Variants in ARHGEF12 observed in about 807,000 individuals in gnomAD.
ARHGEF12 encodes the protein Rho guanine nucleotide exchange factor 12.
A neutral mutation model predicts 211.2 loss-of-function variants in ARHGEF12; 66 were observed. The observed-to-expected ratio is 0.31, with a 90% CI of 0.26 to 0.38. The LOEUF is 0.38. ARHGEF12 is among the 10% of genes least tolerant of loss of function. The pLI, the probability that ARHGEF12 is intolerant of heterozygous loss-of-function variation, is 1.00. For synonymous variants in ARHGEF12, 592 were observed against 638.4 expected, an observed-to-expected ratio of 0.93 and a Z score of 1.09; for missense variants, 1,429 against 1,869.5, an observed-to-expected ratio of 0.76 and a Z score of 4.34.
chr11:120,445,325 G>GCTT, intron 15 of ARHGEF12, 97 bp from the exon 16 acceptor site: 1 of 1,120,986 alleles, frequency 8.9e-7, no homozygotes, highest in East Asian at 2.4e-5. Flanking sequence ...TTGTAGAGTG[G>GCTT]GTATCCAAGT....
At chr11:120,478,434 CACTCA>C in intron 37 of ARHGEF12, 45 bp downstream of exon 37, 1 of 1,468,192 alleles carries the variant, frequency 6.8e-7, no homozygotes, top group Non-Finnish European at 9.5e-7. Context: ...CTAAGTATGA[CACTCA>C]TGTGCCATCC....
intron 7 of ARHGEF12, 57 bp downstream of exon 7, chr11:120,424,472 C>A: frequency 6.7e-7 from 1 of 1,499,938 alleles, no homozygotes; most frequent in Non-Finnish European, 9.3e-7. Flanking sequence ...AAGTAAGGAG[C>A]AGCAAATTTC....
chr11:120,358,082 G>T (rs1943175978), intron 1 of ARHGEF12, among the ~76,000 whole-genome samples: 1 of 151,998 alleles, frequency 6.6e-6, no homozygotes, highest in South Asian at 2.1e-4. Flanking sequence ...AGCCACTGAA[G>T]GCCTTCAGTC....
intron 1 of ARHGEF12, among the ~76,000 whole-genome samples, chr11:120,383,335 G>C (rs1488916952): frequency 6.6e-6 from 1 of 152,120 alleles, no homozygotes; most frequent in Non-Finnish European, 1.5e-5. Flanking sequence ...GGGACTGGGA[G>C]GGTGTTCGGG....
chr11:120,475,272 A>T, intron 32 of ARHGEF12, 68 bp from the exon 33 acceptor site: 1 of 1,415,472 alleles, frequency 7.1e-7, no homozygotes, highest in Non-Finnish European at 9.8e-7. Flanking sequence ...CTGTTGAATC[A>T]TTATAAAGTT....
chr11:120,477,867 A>G, intron 36 of ARHGEF12, among the ~76,000 whole-genome samples: 1 of 150,470 alleles, frequency 6.6e-6, no homozygotes, highest in South Asian at 2.1e-4. Context: ...AACACCAAAA[A>G]AAAAAAAGAA....
chr11:120,352,560 T>G (rs1321408619), intron 1 of ARHGEF12, among the ~76,000 whole-genome samples: 2 of 152,210 alleles, frequency 1.3e-5, no homozygotes, highest in Non-Finnish European at 2.9e-5. Flanking sequence ...ATAAAAAGGT[T>G]TTATCTTTTA....
In ARHGEF12 at chr11:120,480,325, G is replaced by A. The variant is rs771311894; in HGVS notation, c.4132G>A (p.Gly1378Arg). The A allele has an allele frequency of 4.3e-6, 7 of 1,614,178 alleles. No individual in the cohort carries two copies. The highest frequency in any genetic ancestry group is 4.2e-6 in the Non-Finnish European group (5 of 1,180,028). Reference protein sequence around the residue: ...MEPEGGLDDSGEHFFDAREAH... With the variant: ...MEPEGGLDDSREHFFDAREAH... ...GCCAGAAGGGGGTCTTGATGACAGTGGAGAGCACTTTTTTGATGCCCGTGA... is the reference window on the plus strand; with the variant it reads ...GCCAGAAGGGGGTCTTGATGACAGTAGAGAGCACTTTTTTGATGCCCGTGA... Residue 1378 changes from glycine to arginine, a missense_variant, in exon 38 of 41, where the codon GGA (glycine) becomes AGA (arginine). Physicochemically the swap from Gly to Arg is moderately radical, Grantham distance 125 (BLOSUM62 -2). Transcript: ENST00000397843.
rs1371529946 is a variant in ARHGEF12, at chr11:120,337,262, A to G, written c.19A>G (p.Thr7Ala). The G allele has an allele frequency of 8.7e-6, 14 of 1,614,076 alleles. No homozygotes were observed. Among genetic ancestry groups the G allele is most frequent in the Admixed American group, 1.7e-5 (1 of 60,008 alleles). The change falls in exon 1 of 41, where the codon ACT (threonine) becomes GCT (alanine). Residue 7 changes from threonine (T) to alanine (A), a missense_variant. Transcript: ENST00000397843. Reference sequence around the variant, plus strand: ...GGCCCCAATGAGTGGCACACAGTCTACTATCACCGACAGGTTGGTATGAAT... The same window carrying G: ...GGCCCCAATGAGTGGCACACAGTCTGCTATCACCGACAGGTTGGTATGAAT... The part of the protein sequence containing the change: MSGTQS[T>A]ITDRFPLKKP...
chr11:120,444,088 T>C (rs928267042), intron 15 of ARHGEF12, among the ~76,000 whole-genome samples: 2 of 152,188 alleles, frequency 1.3e-5, no homozygotes, highest in South Asian at 4.1e-4. Flanking sequence ...TTATTCTGTT[T>C]GTTCACTGCT....
intron 1 of ARHGEF12, among the ~76,000 whole-genome samples, chr11:120,364,894 C>T (rs1359327572): frequency 6.7e-6 from 1 of 150,042 alleles, no homozygotes; most frequent in Non-Finnish European, 1.5e-5. Flanking sequence ...TCACAGCTCA[C>T]TGTAGCCTCA....
rs1311404533 is a variant in ARHGEF12 at position 120,428,123 on chromosome 11, T to A, written c.461T>A (p.Ile154Asn). ...GGACGCCCACCTGGGTCGCCCCAGA[T>A]TCCACTTGCCGACTCTGAAGTAGAG... is the stretch of plus-strand genomic sequence containing the variant. ...VQGRPPGSPQ[I>N]PLADSEVEPS... is the part of the protein sequence containing the mutation. The change falls in exon 8 of 41, where the codon ATT becomes AAT. Residue 154 changes from isoleucine to asparagine, a missense_variant. By Grantham distance (149) the Ile-to-Asn change is moderately radical. Coordinates refer to ENST00000397843, the MANE Select transcript of ARHGEF12 (RefSeq NM_015313.3). 6.2e-6 allele frequency: 10 copies of A among 1,609,110 alleles called. No individual in the cohort carries two copies. The highest frequency in any genetic ancestry group is 8.5e-6 in the Non-Finnish European group (10 of 1,177,968).
intron 1 of ARHGEF12, among the ~76,000 whole-genome samples, chr11:120,381,229 T>C (rs1368622483): frequency 6.6e-6 from 1 of 152,336 alleles, no homozygotes. Flanking sequence ...TGTTTCTATA[T>C]GTATCAGTTG....
At chr11:120,480,535 G>A (rs1947203693) in intron 38 of ARHGEF12, 105 bp downstream of exon 38, 8 of 1,107,118 alleles carry the variant, frequency 7.2e-6, no homozygotes, top group Non-Finnish European at 1.0e-5. Context: ...GTGTGTGTGT[G>A]TGTGTTCACA....
chr11:120,421,828 A>G lies in ARHGEF12; in HGVS notation c.324A>G (p.Val108=). ...ATGGAGCAGCCATGCGGGCTGGAGT[A>G]CAGACAGGTGATCGAATCATCAAGG... ...KEDGAAMRAG[V]QTGDRIIKVN... Residue 108 remains valine, a synonymous_variant, in exon 6 of 41, where the codon GTA becomes GTG. Coordinates refer to ENST00000397843, the MANE Select transcript of ARHGEF12 (RefSeq NM_015313.3). The G allele has an allele frequency of 1.2e-6, 2 of 1,611,738 alleles. No individual in the cohort carries two copies. Among genetic ancestry groups the G allele is most frequent in the East Asian group, 2.2e-5 (1 of 44,740 alleles).
chr11:120,477,280 C>G lies in ARHGEF12; in HGVS notation c.3427C>G (p.Pro1143Ala). Reference protein sequence around the residue: ...SVKEQSTKPIPLPQSTPGEGD... With the variant: ...SVKEQSTKPIALPQSTPGEGD... The stretch of plus-strand genomic sequence containing the variant: ...GAAGGAGCAATCCACAAAGCCAATT[C>G]CATTACCACAGTCAACACCTGGCGA... Residue 1143 changes from proline (P) to alanine (A), a missense_variant, in exon 35 of 41, where the codon CCA (proline) becomes GCA (alanine). Pro to Ala is a conservative substitution (Grantham distance 27). Transcript: ENST00000397843. 1 of 1,614,080 alleles carries G rather than the reference C, an allele frequency of 6.2e-7. No homozygotes were observed. The highest frequency in any genetic ancestry group is 8.5e-7 in the Non-Finnish European group (1 of 1,180,010).
At chr11:120,408,815 A>G (rs1294829249) in intron 3 of ARHGEF12, 2 of 152,018 alleles carry the variant, frequency 1.3e-5, no homozygotes, top group East Asian at 1.9e-4. Flanking sequence ...CCAATCATCA[A>G]TTTAGGAGGC....
At chr11:120,379,641 A>G (rs1483730633) in intron 1 of ARHGEF12, among the ~76,000 whole-genome samples, 1 of 151,862 alleles carries the variant, frequency 6.6e-6, no homozygotes, top group Non-Finnish European at 1.5e-5. Context: ...TGTTTAGATG[A>G]TCATATGGCT....
At position 120,347,118 on chromosome 11, in the gene ARHGEF12, C is replaced by CCTTT. The variant is rs1167186397; in HGVS notation, c.32+9857_32+9860dup. ...ATGCCATCTACTTTTCCAGCCTCTC[C>CCTTT]CTTTCTTTCTTTCTTTCCTTCCTTC... On this transcript the variant is annotated intron_variant, in intron 1 of 40. Coordinates refer to ENST00000397843, the MANE Select transcript of ARHGEF12 (RefSeq NM_015313.3). Among the ~76,000 whole-genome samples the CCTTT allele has an allele frequency of 3.4e-4, 51 of 149,758 alleles. 1 individual carries two copies. The highest frequency in any genetic ancestry group is 5.3e-4 in the Admixed American group (8 of 15,026).
Sources: allele counts gnomAD v4.1 joint callset (sites outside exome capture counted in the v4.1 genomes callset), GRCh38; gene constraint gnomAD v4.1.1; transcripts MANE v1.5; gene names NCBI Gene and HGNC (gene_info 2026-07-23, HGNC 2026-07-21).